FCHSD2: variants seen among roughly 807,000 people sequenced by gnomAD.
FCHSD2 encodes the protein FCH and double SH3 domains 2.
In FCHSD2, 38 loss-of-function variants were observed where a neutral mutation model predicts 108.1. The ratio of observed to expected loss-of-function variants is 0.35; its 90% CI spans 0.27 to 0.46. The LOEUF is 0.46. Ranked by LOEUF, FCHSD2 falls within the 20% of genes least tolerant of loss-of-function variation. FCHSD2 has a pLI of 1.00. For missense variants in FCHSD2, 751 were observed against 897.8 expected, an observed-to-expected ratio of 0.84 and a Z score of 2.09; for synonymous variants, 279 against 314.7, an observed-to-expected ratio of 0.89 and a Z score of 1.20.
chr11:72,934,879 T>C (rs1856269165), intron 8 of FCHSD2, among the ~76,000 whole-genome samples: 1 of 152,188 alleles, frequency 6.6e-6, no homozygotes, highest in African/African-American at 2.4e-5. Context: ...TGAGAAACCA[T>C]GGGACCTTTG....
rs112706814 is a variant in FCHSD2, at chr11:73,141,494, C to T, written c.21+363G>A. 362 of 331,044 alleles carry T rather than the reference C, an allele frequency of 1.1e-3. 2 individuals are homozygous for T. Among genetic ancestry groups the T allele is most frequent in the African/African-American group, 6.5e-3 (296 of 45,808 alleles). The allele number at this position is 331,044 out of a possible 1,614,324, so 20.5% of individuals were successfully genotyped here. A position where few individuals can be genotyped will look rare whatever the true frequency, so the allele number is the denominator to read the frequency against. ...CTGGTGCAGACTAAACAATCACACACGCACAAGGCTCTGCAAAGCTGCAGG... is the reference window on the plus strand; with the variant it reads ...CTGGTGCAGACTAAACAATCACACATGCACAAGGCTCTGCAAAGCTGCAGG... On this transcript the variant is annotated intron_variant, in intron 1 of 19. Transcript: ENST00000409418.
At chr11:73,053,892 G>A (rs1395714727) in intron 3 of FCHSD2, among the ~76,000 whole-genome samples, 1 of 152,100 alleles carries the variant, frequency 6.6e-6, no homozygotes, top group Non-Finnish European at 1.5e-5. Flanking sequence ...AGATTGAAAT[G>A]TAACTTGTTG....
At chr11:72,890,639 T>C (rs553570206) in intron 10 of FCHSD2, among the ~76,000 whole-genome samples, 1 of 151,936 alleles carries the variant, frequency 6.6e-6, no homozygotes, top group Non-Finnish European at 1.5e-5. Context: ...TAACTTCTAT[T>C]GTGCAAGGTA....
In FCHSD2 at chr11:72,843,331, G is replaced by A. The variant is rs1253917923; in HGVS notation, c.1528-3C>T. 4 of 1,612,162 alleles carry A rather than the reference G, an allele frequency of 2.5e-6. No homozygotes were observed. The African/African-American group carries it at 4.0e-5, about 16-fold the overall frequency. The stretch of plus-strand genomic sequence containing the variant: ...ACTTGGCCAACTTTATTTCGAGCCT[G>A]GGTAAAAGACATGTGACAAAACAAG... On this transcript the variant is annotated splice_region_variant and splice_polypyrimidine_tract_variant and intron_variant, in intron 15 of 19. Transcript: ENST00000409418.
At chr11:72,841,194 T>A (rs761340506) in intron 18 of FCHSD2, among the ~76,000 whole-genome samples, 3 of 151,536 alleles carry the variant, frequency 2.0e-5, no homozygotes, top group Non-Finnish European at 4.4e-5. Flanking sequence ...ATTAGCTGTG[T>A]GTGGTGGTGC....
At chr11:72,856,079 G>A (rs554110022) in intron 13 of FCHSD2, among the ~76,000 whole-genome samples, 2 of 152,298 alleles carry the variant, frequency 1.3e-5, no homozygotes, top group Admixed American at 1.3e-4. Context: ...GAATGGACAG[G>A]CAGGATTGGC....
chr11:72,882,523 ATAAC>A (rs1565304075), intron 12 of FCHSD2, among the ~76,000 whole-genome samples: 1 of 152,244 alleles, frequency 6.6e-6, no homozygotes, highest in Non-Finnish European at 1.5e-5. Flanking sequence ...TTAATTCAAA[ATAAC>A]TAGAAGATTT....
At chr11:73,010,843 C>T (rs531629959) in intron 4 of FCHSD2, among the ~76,000 whole-genome samples, 1 of 152,310 alleles carries the variant, frequency 6.6e-6, no homozygotes, top group South Asian at 2.1e-4. Flanking sequence ...TACTCAGATG[C>T]TGGTAGTGGC....
chr11:72,903,880 A>G (rs1287690707), intron 9 of FCHSD2, among the ~76,000 whole-genome samples: 1 of 152,110 alleles, frequency 6.6e-6, no homozygotes, highest in Non-Finnish European at 1.5e-5. Flanking sequence ...CCATTTCTCT[A>G]CTGCTTCCCT....
At chr11:73,038,154 G>A (rs557335921) in intron 3 of FCHSD2, among the ~76,000 whole-genome samples, 1 of 152,070 alleles carries the variant, frequency 6.6e-6, no homozygotes, top group South Asian at 2.1e-4. Flanking sequence ...GCCAAGCCTA[G>A]GCAACAAGGA....
chr11:73,061,576 C>T (rs1282114088), intron 3 of FCHSD2, among the ~76,000 whole-genome samples: 2 of 152,206 alleles, frequency 1.3e-5, no homozygotes, highest in African/African-American at 4.8e-5. Context: ...ATTCTCACTG[C>T]CAGCACAGCA....
chr11:72,910,261 C>T (rs1855734386), intron 9 of FCHSD2, among the ~76,000 whole-genome samples: 1 of 152,112 alleles, frequency 6.6e-6, no homozygotes, highest in Admixed American at 6.5e-5. Flanking sequence ...GCCCGGCCAC[C>T]CCATCTGGGA....
At chr11:72,987,817 C>T (rs1185957338) in intron 6 of FCHSD2, among the ~76,000 whole-genome samples, 3 of 152,130 alleles carry the variant, frequency 2.0e-5, no homozygotes, top group South Asian at 2.1e-4. Flanking sequence ...TTTCTAAAAA[C>T]GACTATGACA....
intron 8 of FCHSD2, among the ~76,000 whole-genome samples, chr11:72,978,485 C>T (rs1250144253): frequency 6.6e-6 from 1 of 152,136 alleles, no homozygotes; most frequent in East Asian, 1.9e-4. Flanking sequence ...AGCATGTCAT[C>T]CCAGGTCAAA....
intron 13 of FCHSD2, among the ~76,000 whole-genome samples, chr11:72,858,070 G>A (rs992597446): frequency 6.6e-6 from 1 of 152,196 alleles, no homozygotes; most frequent in African/African-American, 2.4e-5. Flanking sequence ...CATGTTTGGT[G>A]CATAGGAGGT....
intron 8 of FCHSD2, among the ~76,000 whole-genome samples, chr11:72,931,402 C>A (rs777547620): frequency 2.1e-4 from 31 of 148,670 alleles, no homozygotes; most frequent in Non-Finnish European, 3.4e-4. Context: ...CCACCATGCC[C>A]AGCCTTAAAT....
At chr11:72,979,360 G>T (rs1857170489) in intron 8 of FCHSD2, among the ~76,000 whole-genome samples, 1 of 151,954 alleles carries the variant, frequency 6.6e-6, no homozygotes, top group Non-Finnish European at 1.5e-5. Flanking sequence ...AGAAAGAAAT[G>T]AAATTTAAAG....
At chr11:73,057,721 C>T (rs1424420460) in intron 3 of FCHSD2, among the ~76,000 whole-genome samples, 4 of 152,134 alleles carry the variant, frequency 2.6e-5, no homozygotes, top group Non-Finnish European at 5.9e-5. Flanking sequence ...GTGTTCTGTA[C>T]ATCTATTAAT....
At chr11:73,136,959 C>T (rs555629366) in intron 2 of FCHSD2, among the ~76,000 whole-genome samples, 3 of 151,920 alleles carry the variant, frequency 2.0e-5, no homozygotes, top group East Asian at 3.9e-4. Flanking sequence ...ACCCAGGAGG[C>T]GGAGGTTGCA....
Sources: allele counts gnomAD v4.1 joint callset (sites outside exome capture counted in the v4.1 genomes callset), GRCh38; gene constraint gnomAD v4.1.1; transcripts MANE v1.5; gene names NCBI Gene and HGNC (gene_info 2026-07-23, HGNC 2026-07-21).